HUNK: variants seen among roughly 807,000 people sequenced by gnomAD.
HUNK encodes hormonally up-regulated neu tumor-associated kinase.
A neutral mutation model predicts 61.0 loss-of-function variants in HUNK; 21 were observed. The observed-to-expected ratio is 0.34, with a 90% CI of 0.24 to 0.50. The LOEUF is 0.50. Ranked by LOEUF, HUNK falls within the 20% of genes least tolerant of loss-of-function variation. The pLI is 0.98. For missense variants in HUNK, 772 were observed against 945.7 expected (o/e 0.82, Z 2.41); for synonymous variants, 371 against 386.1 (o/e 0.96, Z 0.46).
chr21:31,967,695 G>C (rs2052976774), intron 5 of HUNK, among the ~76,000 whole-genome samples: 1 of 152,156 alleles, frequency 6.6e-6, no homozygotes, highest in African/African-American at 2.4e-5. Context: ...GGACCTCTCT[G>C]GCCCCTTGAG....
intron 2 of HUNK, among the ~76,000 whole-genome samples, chr21:31,926,577 A>T (rs576049899): frequency 6.6e-6 from 1 of 152,288 alleles, no homozygotes; most frequent in South Asian, 2.1e-4. Context: ...TGGCCATTTC[A>T]TATAAATGGA....
At chr21:31,996,141 C>A (rs2053204221) in intron 10 of HUNK, among the ~76,000 whole-genome samples, 193 bp downstream of exon 10, 1 of 152,186 alleles carries the variant, frequency 6.6e-6, no homozygotes, top group Admixed American at 6.5e-5. Context: ...GCCATCTGTG[C>A]AGGAAGAATT....
chr21:31,987,657 T>G (rs2053143215), intron 8 of HUNK, among the ~76,000 whole-genome samples: 1 of 152,232 alleles, frequency 6.6e-6, no homozygotes. Flanking sequence ...GCAAACAGCA[T>G]TCAATTTTCT....
chr21:31,963,679 G>C (rs927427542), intron 5 of HUNK, among the ~76,000 whole-genome samples: 5 of 151,888 alleles, frequency 3.3e-5, no homozygotes, highest in Admixed American at 6.6e-5. Flanking sequence ...TTTGGTGGGG[G>C]GTATATTTTT....
chr21:31,996,844 G>C (rs1048462938), intron 10 of HUNK, among the ~76,000 whole-genome samples: 6 of 152,194 alleles, frequency 3.9e-5, no homozygotes, highest in African/African-American at 1.4e-4. Context: ...TGCTCCCGGA[G>C]AGAAGCCACT....
intron 1 of HUNK, among the ~76,000 whole-genome samples, chr21:31,887,745 C>G (rs2052357205): frequency 6.6e-6 from 1 of 152,152 alleles, no homozygotes; most frequent in South Asian, 2.1e-4. Flanking sequence ...GATAAAGGAA[C>G]AGTGGATGTT....
intron 1 of HUNK, among the ~76,000 whole-genome samples, chr21:31,894,960 T>C (rs1348365622): frequency 6.6e-6 from 1 of 152,202 alleles, no homozygotes; most frequent in Non-Finnish European, 1.5e-5. Context: ...ACTCATGTTA[T>C]TACAGTGGAA....
intron 8 of HUNK, among the ~76,000 whole-genome samples, chr21:31,986,668 C>G (rs1326954004): frequency 6.6e-6 from 1 of 152,180 alleles, no homozygotes; most frequent in Non-Finnish European, 1.5e-5. Context: ...CTGCATCCCT[C>G]CCTGTGCTCA....
At chr21:31,903,484 C>A (rs1017406803) in intron 1 of HUNK, among the ~76,000 whole-genome samples, 9 of 151,892 alleles carry the variant, frequency 5.9e-5, no homozygotes, top group African/African-American at 2.2e-4. Flanking sequence ...AAATAATTTT[C>A]ATTCTTGGCC....
chr21:31,924,374 A>T lies in HUNK; in HGVS notation c.262-94A>T. Reference sequence around the variant, plus strand: ...TAAGGTGTTTCTCCTCTGCAGAGACATAGCTAGCATTTTTCTTGGGTTCCT... The same window carrying T: ...TAAGGTGTTTCTCCTCTGCAGAGACTTAGCTAGCATTTTTCTTGGGTTCCT... On this transcript the variant is annotated intron_variant, in intron 1 of 10. Transcript: ENST00000270112. The surrounding 1 kb of genome is among the most constrained non-coding windows in gnomAD (Gnocchi z 5.1). 8.9e-7 allele frequency: 1 copy of T among 1,119,386 alleles called. No individual in the cohort carries two copies. Among genetic ancestry groups the T allele is most frequent in the Non-Finnish European group, 1.3e-6 (1 of 785,210 alleles). The allele number at this position is 1,119,386 out of a possible 1,614,324, so 69.3% of individuals were successfully genotyped here.
Position 31,952,049 on chromosome 21 carries a change from A to G in HUNK, c.746+5878A>G, listed in dbSNP as rs76885705. On this transcript the variant is annotated intron_variant, in intron 4 of 10. Coordinates refer to ENST00000270112, the MANE Select transcript of HUNK (RefSeq NM_014586.2). ...GATTTTTTTTTTATAGCTAGCATGT[A>G]TATTTAACATAGAGTAAAGGAAGGA... 6.6e-3 allele frequency among the ~76,000 whole-genome samples: 1,005 copies of G among 151,980 alleles called. 14 individuals are homozygous for G. Among genetic ancestry groups the G allele is most frequent in the African/African-American group, 0.023 (943 of 41,442 alleles).
chr21:31,910,126 G>A (rs1228533225), intron 1 of HUNK, among the ~76,000 whole-genome samples: 2 of 152,180 alleles, frequency 1.3e-5, no homozygotes, highest in African/African-American at 4.8e-5. Flanking sequence ...GTTTCATAAA[G>A]GTTCTGCTTT....
At chr21:31,914,968 A>G (rs1383620072) in intron 1 of HUNK, among the ~76,000 whole-genome samples, 3 of 152,208 alleles carry the variant, frequency 2.0e-5, no homozygotes, top group African/African-American at 7.2e-5. Flanking sequence ...CCTCCCCGAC[A>G]AATGGTCCTA....
chr21:31,966,464 T>C (rs1362132248), intron 5 of HUNK, among the ~76,000 whole-genome samples: 1 of 152,170 alleles, frequency 6.6e-6, no homozygotes, highest in Non-Finnish European at 1.5e-5. Context: ...TACCCACTAT[T>C]GAAAGGGAGA....
intron 2 of HUNK, among the ~76,000 whole-genome samples, chr21:31,932,789 T>C (rs2052706850): frequency 6.6e-6 from 1 of 152,040 alleles, no homozygotes; most frequent in Non-Finnish European, 1.5e-5. Context: ...CTGCTCCTGC[T>C]TCACCGTGGC....
chr21:31,978,993 A>G (rs1470675486), intron 7 of HUNK, among the ~76,000 whole-genome samples: 2 of 152,050 alleles, frequency 1.3e-5, no homozygotes, highest in Non-Finnish European at 2.9e-5. Flanking sequence ...AACATGTGGT[A>G]TCTTCCATCT....
At chr21:31,991,005 T>G (rs1157934905) in intron 9 of HUNK, among the ~76,000 whole-genome samples, 3 of 152,250 alleles carry the variant, frequency 2.0e-5, no homozygotes, top group Admixed American at 2.0e-4. Context: ...AGCCCCATCC[T>G]TATCCAGAAT....
intron 9 of HUNK, among the ~76,000 whole-genome samples, chr21:31,991,924 G>A (rs1464870624): frequency 6.6e-6 from 1 of 152,254 alleles, no homozygotes; most frequent in African/African-American, 2.4e-5. Context: ...GATAAAGCAA[G>A]TGTGATGTGT....
chr21:31,874,864 G>T (rs1195475532), intron 1 of HUNK, among the ~76,000 whole-genome samples: 2 of 152,146 alleles, frequency 1.3e-5, no homozygotes, highest in African/African-American at 4.8e-5. Context: ...GCCAGGCGAG[G>T]GGCAGGTAAG....
Sources: allele counts gnomAD v4.1 joint callset (sites outside exome capture counted in the v4.1 genomes callset), GRCh38; gene constraint gnomAD v4.1.1; non-coding constraint Gnocchi (gnomAD v3.1); transcripts MANE v1.5; gene names NCBI Gene and HGNC (gene_info 2026-07-23, HGNC 2026-07-21).